Variants in ATRNL1 observed in about 807,000 individuals in gnomAD.
ATRNL1 encodes attractin-like protein 1.
In ATRNL1, 95 loss-of-function variants were observed where a neutral mutation model predicts 182.7. The ratio of observed to expected loss-of-function variants is 0.52; its 90% CI spans 0.44 to 0.62. The LOEUF (loss-of-function observed/expected upper bound fraction) is 0.62, where lower values mean the gene tolerates loss of function less well. Ranked by LOEUF, ATRNL1 falls within the 20% of genes least tolerant of loss-of-function variation. ATRNL1 has a pLI of 0.00. For missense variants in ATRNL1, 1,471 were observed against 1,679.5 expected, an observed-to-expected ratio of 0.88 and a Z score of 2.17; for synonymous variants, 576 against 568.3, an observed-to-expected ratio of 1.01 and a Z score of -0.19.
At chr10:115,491,018 G>A (rs1330019742) in intron 24 of ATRNL1, among the ~76,000 whole-genome samples, 3 of 152,122 alleles carry the variant, frequency 2.0e-5, no homozygotes, top group Non-Finnish European at 4.4e-5. Context: ...GAATTTGCTG[G>A]ATGTCCACTC....
At chr10:115,246,458 G>C (rs1006510400) in intron 10 of ATRNL1, among the ~76,000 whole-genome samples, 5 of 152,112 alleles carry the variant, frequency 3.3e-5, no homozygotes, top group South Asian at 2.1e-4. Flanking sequence ...CACTCTACCT[G>C]TCCCCCTCCC....
intron 28 of ATRNL1, among the ~76,000 whole-genome samples, chr10:115,933,687 A>G (rs1953473261): frequency 6.6e-6 from 1 of 152,232 alleles, no homozygotes; most frequent in South Asian, 2.1e-4. Flanking sequence ...TGGAAGCCAC[A>G]AACTCAGCTG....
At chr10:115,535,097 C>T (rs1378707607) in intron 25 of ATRNL1, among the ~76,000 whole-genome samples, 3 of 150,462 alleles carry the variant, frequency 2.0e-5, no homozygotes, top group African/African-American at 7.3e-5. Context: ...TGGAGTTGCT[C>T]TTCTCGAGGA....
intron 1 of ATRNL1, among the ~76,000 whole-genome samples, chr10:115,109,343 G>A (rs1008868246): frequency 1.3e-5 from 2 of 152,112 alleles, no homozygotes; most frequent in Admixed American, 1.3e-4. Flanking sequence ...AAAATTTATT[G>A]GCTTATGATT....
At position 115,291,623 on chromosome 10, in the gene ATRNL1, A is replaced by G. The variant is rs35635059; in HGVS notation, c.2415+5226A>G. On this transcript the variant is annotated intron_variant, in intron 15 of 28. Coordinates refer to ENST00000355044, the MANE Select transcript of ATRNL1 (RefSeq NM_207303.4). ...TTGCTGCATCTATTGAGATGATTGT[A>G]TGGTTTTTGTCCTTCTATCGATGTG... 4.3e-3 allele frequency among the ~76,000 whole-genome samples: 655 copies of G among 152,108 alleles called. 5 individuals are homozygous for G. The highest frequency in any genetic ancestry group is 6.6e-3 in the Non-Finnish European group (448 of 67,980).
intron 19 of ATRNL1, among the ~76,000 whole-genome samples, chr10:115,345,778 C>T (rs537965354): frequency 2.0e-5 from 3 of 152,296 alleles, no homozygotes; most frequent in East Asian, 3.9e-4. Context: ...CCCCTGGCAA[C>T]CACTGCTCTG....
intron 27 of ATRNL1, among the ~76,000 whole-genome samples, chr10:115,774,483 T>TG (rs1949073231): frequency 6.7e-6 from 1 of 149,850 alleles, no homozygotes; most frequent in Non-Finnish European, 1.5e-5. Flanking sequence ...GGGGTGGCTT[T>TG]GGGCAAGGTG....
rs187500083 is a variant in ATRNL1, at chr10:115,172,612, C to T, written c.1348+1320C>T. 4.6e-5 allele frequency among the ~76,000 whole-genome samples: 7 copies of T among 151,966 alleles called. No individual in the cohort carries two copies. In the East Asian group the frequency reaches 1.4e-3, roughly 29 times the overall value. The stretch of plus-strand genomic sequence containing the variant: ...CATAATTTCCATATGAAATATCTTA[C>T]TTTTCAAGTCCCACTGATCTCTCCA... On this transcript the variant is annotated intron_variant, in intron 8 of 28. Transcript: ENST00000355044.
At chr10:115,574,202 C>A (rs2133869250) in intron 26 of ATRNL1, among the ~76,000 whole-genome samples, 1 of 150,768 alleles carries the variant, frequency 6.6e-6, no homozygotes, top group African/African-American at 2.4e-5. Context: ...ATATGTGTAT[C>A]TATATATACA....
intron 26 of ATRNL1, among the ~76,000 whole-genome samples, chr10:115,709,783 A>G (rs1359816394): frequency 6.6e-6 from 1 of 152,020 alleles, no homozygotes; most frequent in Non-Finnish European, 1.5e-5. Context: ...AATCCTGCAC[A>G]TCCTTTGTCT....
rs749334662 is a variant in ATRNL1 at position 115,665,531 on chromosome 10, GGAA to G, written c.3796-61707_3796-61705del. ...GGGAAGAAGAGGCAGATGACGAGGA[GGAA>G]GAAGAAGAAATCCATGAAAAAGCTA... On this transcript the variant is annotated intron_variant, in intron 26 of 28. Coordinates refer to ENST00000355044, the MANE Select transcript of ATRNL1 (RefSeq NM_207303.4). 1.6e-3 allele frequency among the ~76,000 whole-genome samples: 248 copies of G among 152,086 alleles called. 2 individuals carry two copies. The highest frequency in any genetic ancestry group is 1.8e-3 in the Non-Finnish European group (123 of 68,002).
At chr10:115,244,385 A>T (rs1850543954) in intron 10 of ATRNL1, among the ~76,000 whole-genome samples, 1 of 152,150 alleles carries the variant, frequency 6.6e-6, no homozygotes, top group Non-Finnish European at 1.5e-5. Flanking sequence ...TGTAGAAGGC[A>T]TATACTGGTG....
intron 21 of ATRNL1, among the ~76,000 whole-genome samples, chr10:115,457,364 G>T (rs184542462): frequency 3.3e-5 from 5 of 152,124 alleles, no homozygotes; most frequent in Admixed American, 3.3e-4. Context: ...AATCGAGAGA[G>T]TGGGTGGGTT....
chr10:115,268,767 A>G (rs923380268), intron 13 of ATRNL1, among the ~76,000 whole-genome samples: 1 of 152,226 alleles, frequency 6.6e-6, no homozygotes, highest in Non-Finnish European at 1.5e-5. Flanking sequence ...AAGATTATAT[A>G]GGTAGGTATT....
intron 26 of ATRNL1, among the ~76,000 whole-genome samples, chr10:115,719,855 C>A (rs1420557941): frequency 1.4e-5 from 2 of 142,504 alleles, no homozygotes; most frequent in African/African-American, 5.1e-5. Flanking sequence ...CACCCCCCCA[C>A]ACACTCTTTT....
intron 1 of ATRNL1, among the ~76,000 whole-genome samples, chr10:115,098,217 T>C (rs1592093726): frequency 6.6e-6 from 1 of 152,248 alleles, no homozygotes; most frequent in East Asian, 1.9e-4. Context: ...AAGTTACTTG[T>C]AGAAGCATAG....
intron 24 of ATRNL1, among the ~76,000 whole-genome samples, chr10:115,512,284 T>G (rs1554982827): frequency 2.0e-5 from 3 of 151,920 alleles, no homozygotes; most frequent in African/African-American, 7.2e-5. Context: ...TGTCTCACTG[T>G]TTTTTAAAAG....
chr10:115,699,382 T>C (rs10885772), intron 26 of ATRNL1, among the ~76,000 whole-genome samples: 62,363 of 151,974 alleles, frequency 0.41, 13,780 homozygotes, highest in East Asian at 0.79. Context: ...TTCAAGATAC[T>C]CAGTTTTGTT....
In ATRNL1 at chr10:115,947,067, T is replaced by G. The variant is rs1406155704; in HGVS notation, c.*2288T>G. On this transcript the variant is annotated 3_prime_UTR_variant, in exon 29 of 29. Coordinates refer to ENST00000355044, the MANE Select transcript of ATRNL1 (RefSeq NM_207303.4). ...TAGTTAAAGTCATGCTATACCTTTCTGGGCCACATATTGCTAACTCTGTGG... is the reference window on the plus strand; with the variant it reads ...TAGTTAAAGTCATGCTATACCTTTCGGGGCCACATATTGCTAACTCTGTGG... 6.6e-6 allele frequency: 1 copy of G among 152,626 alleles called. No homozygotes were observed. The highest frequency in any genetic ancestry group is 6.5e-5 in the Admixed American group (1 of 15,278). 9.5% of individuals were successfully genotyped at this position (152,626 alleles called of 1,614,324 possible).
Sources: allele counts gnomAD v4.1 joint callset (sites outside exome capture counted in the v4.1 genomes callset), GRCh38; gene constraint gnomAD v4.1.1; transcripts MANE v1.5; gene names NCBI Gene and HGNC (gene_info 2026-07-23, HGNC 2026-07-21).